The following SRPRA variants were observed in gnomAD, a reference collection of about 807,000 sequenced individuals.
SRPRA encodes the protein SRP receptor subunit alpha.
SRPRA carries 30 observed loss-of-function variants against 61.1 expected under a neutral mutation model. The observed-to-expected ratio is 0.49, with a 90% CI of 0.37 to 0.67. The LOEUF (loss-of-function observed/expected upper bound fraction) is 0.67. SRPRA is among the 30% of genes least tolerant of loss of function. The pLI, the probability that SRPRA is intolerant of heterozygous loss-of-function variation, is 0.00. For missense variants in SRPRA, 759 were observed against 828.4 expected (o/e 0.92, Z 1.03); for synonymous variants, 324 against 299.7 (o/e 1.08, Z -0.84).
intron 1 of SRPRA, among the ~76,000 whole-genome samples, chr11:126,268,393 T>C (rs1950866185): frequency 6.6e-6 from 1 of 152,208 alleles, no homozygotes; most frequent in African/African-American, 2.4e-5. Context: ...CATCTGTTAT[T>C]TCACCTAGGC....
the SRPRA span, among the ~76,000 whole-genome samples, chr11:126,246,692 T>C: frequency 6.6e-6 from 1 of 152,138 alleles, no homozygotes; most frequent in Non-Finnish European, 1.5e-5. Context: ...TCTTCCTGTT[T>C]CAGCTTCCCA....
rs1346954940 is a variant in SRPRA at position 126,265,759 on chromosome 11, C to A, written c.1116G>T (p.Gly372=). The change falls in exon 9 of 14, where the codon GGG becomes GGT. Residue 372 remains glycine (G), a synonymous_variant. Transcript: ENST00000332118. This position sits in a 1 kb window ranked among gnomAD's most constrained non-coding sequence, Gnocchi z 6.3. ...LCESVANKLE[G]KVMGTFSTVT... is the part of the protein sequence containing the mutation. ...TACTGCTGAACGTCCCCATCACCTT[C>A]CCTTCCAACTTGTTGGCAACAGATT... is the stretch of plus-strand genomic sequence containing the variant. The A allele has an allele frequency of 4.3e-6, 7 of 1,614,126 alleles. No individual in the cohort carries two copies. Among genetic ancestry groups the A allele is most frequent in the Non-Finnish European group, 5.9e-6 (7 of 1,180,058 alleles).
Position 126,266,544 on chromosome 11 carries a change from C to T in SRPRA, c.772G>A (p.Val258Met). 2 of 1,614,224 alleles carry T rather than the reference C, an allele frequency of 1.2e-6. No homozygotes were observed. The highest frequency in any genetic ancestry group is 1.7e-5 in the Admixed American group (1 of 60,030). The stretch of plus-strand genomic sequence containing the variant: ...GTGGTGGGAGTACTGTAATCCAACA[C>T]TTCTTTGTTAGCACAGCCACCCAGT... ...WELGGCANKE[V>M]LDYSTPTTNG... Residue 258 changes from valine to methionine, a missense_variant, in exon 6 of 14, where the codon GTG becomes ATG. Physicochemically the swap from Val to Met is conservative, Grantham distance 21 (BLOSUM62 1). Transcript: ENST00000332118.
chr11:126,241,846 A>C, the SRPRA span, among the ~76,000 whole-genome samples: 12 of 151,904 alleles, frequency 7.9e-5, no homozygotes, highest in African/African-American at 2.9e-4. Context: ...CACTGCACCC[A>C]GCCTGTTTTA....
chr11:126,267,238 T>C lies in SRPRA; in HGVS notation c.463A>G (p.Thr155Ala), dbSNP rs778258230. The C allele has an allele frequency of 6.2e-7, 1 of 1,614,176 alleles. No individual in the cohort carries two copies. The highest frequency in any genetic ancestry group is 8.5e-7 in the Non-Finnish European group (1 of 1,180,038). Residue 155 changes from threonine to alanine, a missense_variant, in exon 4 of 14, where the codon ACA becomes GCA. Coordinates refer to ENST00000332118, the MANE Select transcript of SRPRA (RefSeq NM_003139.4). This position sits in a 1 kb window ranked among gnomAD's most constrained non-coding sequence, Gnocchi z 4.2. ...AKKPVRSMIETRGEKPKEKAK... is the reference protein window; with the variant it reads ...AKKPVRSMIEARGEKPKEKAK... ...TTTTCCTTGGGCTTTTCCCCCCGTG[T>C]CTCAATCATGGACCTCACAGGTTTC... is the stretch of plus-strand genomic sequence containing the variant.
chr11:126,264,308 A>G lies in SRPRA; in HGVS notation c.1690-19T>C, dbSNP rs781360472. 9.9e-6 allele frequency: 16 copies of G among 1,613,396 alleles called. No individual in the cohort carries two copies. The Middle Eastern group carries it at 4.9e-4, about 50-fold the overall frequency. ...ACTTGACCTGGAAAGAAAAAGTGAT[A>G]GAAGTGTAAGAACCATCTAAATTGA... On this transcript the variant is annotated intron_variant, in intron 12 of 13. Transcript: ENST00000332118. The surrounding 1 kb of genome is among the most constrained non-coding windows in gnomAD (Gnocchi z 5.0).
At chr11:126,262,343 G>T, downstream of SRPRA, 1,141 of 393,270 alleles carry the variant, frequency 2.9e-3, no homozygotes, top group Middle Eastern at 5.6e-3. Flanking sequence ...TCAAGTTCAA[G>T]AATAAAAGCG....
Position 126,265,378 on chromosome 11 carries a change from G to A in SRPRA, c.1201C>T (p.Arg401Cys), listed in dbSNP as rs139273547. ...ESLVQILQPQ[R>C]RVDMLRDIMD... ...ATGTCCCGGAGCATGTCTACACGAC[G>A]CTGTGGCTGCAGAATCTGCACCAGG... Residue 401 changes from arginine (R) to cysteine (C), a missense_variant, in exon 10 of 14, where the codon CGT (arginine) becomes TGT (cysteine). This residue lies in a region of SRPRA where 284 missense variants were observed against 365.9 expected (regional missense o/e 0.78). Transcript: ENST00000332118. This position sits in a 1 kb window ranked among gnomAD's most constrained non-coding sequence, Gnocchi z 6.3. 4.3e-6 allele frequency: 7 copies of A among 1,614,010 alleles called. No individual in the cohort carries two copies. The highest frequency in any genetic ancestry group is 5.9e-6 in the Non-Finnish European group (7 of 1,180,038).
the SRPRA span, among the ~76,000 whole-genome samples, chr11:126,244,658 G>C: frequency 6.6e-6 from 1 of 152,092 alleles, no homozygotes; most frequent in Non-Finnish European, 1.5e-5. The surrounding 1 kb of genome is among the most constrained non-coding windows in gnomAD (Gnocchi z 4.5). Flanking sequence ...ACAAAAATTA[G>C]CTGAGCATGA....
the SRPRA span, among the ~76,000 whole-genome samples, chr11:126,247,909 C>A: frequency 6.3e-5 from 9 of 143,290 alleles, no homozygotes; most frequent in African/African-American, 2.3e-4. Context: ...ATACGTATAT[C>A]TATATAGATA....
In SRPRA at chr11:126,266,011, G is replaced by A. The variant is rs143514827; in HGVS notation, c.1003C>T (p.Arg335Cys). 675 of 1,614,018 alleles carry A rather than the reference G, an allele frequency of 4.2e-4. No individual in the cohort carries two copies. Among genetic ancestry groups the A allele is most frequent in the Non-Finnish European group, 5.0e-4 (587 of 1,180,054 alleles). ...KGLVGSKSLS[R>C]EDMESVLDKM... ...TCCAGCACAGATTCCATGTCTTCAC[G>A]ACTCAAGCTCTTTGAACCCACAAGG... The change falls in exon 8 of 14, where the codon CGT (arginine) becomes TGT (cysteine). Residue 335 changes from arginine (R) to cysteine (C), a missense_variant. This residue lies in a region of SRPRA where 475 missense variants were observed against 462.5 expected (regional missense o/e 1.03). Coordinates refer to ENST00000332118, the MANE Select transcript of SRPRA (RefSeq NM_003139.4).
Position 126,266,610 on chromosome 11 carries a change from C to A in SRPRA, c.706G>T (p.Ala236Ser). ...EKSNKSTKSD[A>S]PKEKGKKAPR... Reference sequence around the variant, plus strand: ...GCTTTTTTGCCCTTCTCCTTTGGAGCATCTGACTTCGTGGACTTGCTGCAA... The same window carrying A: ...GCTTTTTTGCCCTTCTCCTTTGGAGAATCTGACTTCGTGGACTTGCTGCAA... The change falls in exon 6 of 14, where the codon GCT (alanine) becomes TCT (serine). Residue 236 changes from alanine to serine, a missense_variant. Transcript: ENST00000332118. 6.2e-7 allele frequency: 1 copy of A among 1,613,964 alleles called. No individual in the cohort carries two copies. The highest frequency in any genetic ancestry group is 8.5e-7 in the Non-Finnish European group (1 of 1,179,910).
the SRPRA span, among the ~76,000 whole-genome samples, chr11:126,248,445 A>G: frequency 8.3e-6 from 1 of 121,180 alleles, no homozygotes; most frequent in African/African-American, 3.2e-5. Context: ...ATCTTGGCTC[A>G]CTACAACCTC....
chr11:126,243,573 A>G, the SRPRA span, among the ~76,000 whole-genome samples: 1 of 152,270 alleles, frequency 6.6e-6, no homozygotes, highest in East Asian at 1.9e-4. Flanking sequence ...CCCATGAGGA[A>G]GTCAGAGTCT....
the SRPRA span, chr11:126,240,997 A>G: frequency 3.7e-6 from 6 of 1,613,690 alleles, no homozygotes; most frequent in Non-Finnish European, 8.5e-7. Flanking sequence ...CCATGAAGAC[A>G]AGAACCTGGT....
the SRPRA span, among the ~76,000 whole-genome samples, chr11:126,242,119 AAT>A: frequency 6.6e-6 from 1 of 152,166 alleles, no homozygotes; most frequent in South Asian, 2.1e-4. Flanking sequence ...CAAAGACCTA[AAT>A]ATGATACCTA....
the SRPRA span, among the ~76,000 whole-genome samples, chr11:126,251,147 C>T: frequency 9.9e-5 from 15 of 152,268 alleles, no homozygotes; most frequent in East Asian, 2.1e-3. Context: ...CCAGGCCAAG[C>T]GATGGCTGAA....
At chr11:126,241,203 C>CT in the SRPRA span, 1 of 701,658 alleles carries the variant, frequency 1.4e-6, no homozygotes, top group African/African-American at 1.8e-5. Flanking sequence ...TGCGCAATGT[C>CT]TGTTTATGGA....
chr11:126,258,746 A>G (rs1950621863), downstream of SRPRA, among the ~76,000 whole-genome samples: 1 of 152,218 alleles, frequency 6.6e-6, no homozygotes, highest in African/African-American at 2.4e-5. Context: ...AGTTCTACAT[A>G]TTTCTTTTGA....
Sources: allele counts gnomAD v4.1 joint callset (sites outside exome capture counted in the v4.1 genomes callset), GRCh38; gene constraint gnomAD v4.1.1; regional missense constraint gnomAD v4.1.1; non-coding constraint Gnocchi (gnomAD v3.1); transcripts MANE v1.5; gene names NCBI Gene and HGNC (gene_info 2026-07-23, HGNC 2026-07-21).